Variants in CNTNAP4 observed in about 807,000 individuals in gnomAD.
CNTNAP4 encodes contactin-associated protein-like 4.
In CNTNAP4, 98 loss-of-function variants were observed where a neutral mutation model predicts 148.4. The observed-to-expected ratio is 0.66, with a 90% CI of 0.56 to 0.78. The LOEUF is 0.78. CNTNAP4 is among the 30% of genes least tolerant of loss of function. CNTNAP4 has a pLI of 0.00. For synonymous variants in CNTNAP4, 730 were observed against 565.1 expected, an observed-to-expected ratio of 1.29 and a Z score of -4.14; for missense variants, 1,935 against 1,565.6, an observed-to-expected ratio of 1.24 and a Z score of -3.98.
At chr16:76,396,138 G>A (rs977233765) in intron 3 of CNTNAP4, among the ~76,000 whole-genome samples, 4 of 152,142 alleles carry the variant, frequency 2.6e-5, no homozygotes, top group African/African-American at 4.8e-5. Flanking sequence ...AATGACTTTG[G>A]GATGTGGCAT....
chr16:76,425,915 T>C (rs1482877125), intron 3 of CNTNAP4, among the ~76,000 whole-genome samples: 6 of 152,160 alleles, frequency 3.9e-5, no homozygotes, highest in Non-Finnish European at 1.5e-5. Flanking sequence ...TGTTACTGTG[T>C]GCTCAGAGGG....
chr16:76,522,863 A>G (rs903460875), intron 17 of CNTNAP4, among the ~76,000 whole-genome samples: 1 of 151,064 alleles, frequency 6.6e-6, no homozygotes, highest in Non-Finnish European at 1.5e-5. Flanking sequence ...CCAGGGTTCT[A>G]GCAATTCTCC....
In CNTNAP4 at chr16:76,339,587, C is replaced by T. The variant is rs888654660; in HGVS notation, c.197-15731C>T. Among the ~76,000 whole-genome samples, 192 of 152,240 alleles carry T rather than the reference C, an allele frequency of 1.3e-3. 5 individuals carry two copies. Among genetic ancestry groups the T allele is most frequent in the Admixed American group, 0.012 (191 of 15,288 alleles). ...AAATGACACAAAGAGAATTTAAGAT[C>T]GTTTGAAATGTCGCCTTTGCTCATT... On this transcript the variant is annotated intron_variant, in intron 2 of 23. Coordinates refer to ENST00000611870, the MANE Select transcript of CNTNAP4 (RefSeq NM_033401.5).
At chr16:76,548,128 A>C (rs894525765) in intron 21 of CNTNAP4, among the ~76,000 whole-genome samples, 1 of 152,176 alleles carries the variant, frequency 6.6e-6, no homozygotes, top group African/African-American at 2.4e-5. Context: ...TTGGCAAACA[A>C]ATACCTTTTA....
intron 1 of CNTNAP4, among the ~76,000 whole-genome samples, chr16:76,283,599 G>A (rs1028507611): frequency 7.9e-5 from 12 of 151,978 alleles, no homozygotes; most frequent in African/African-American, 2.9e-4. Context: ...ATAAGTGGGA[G>A]CTAAATGATG....
chr16:76,321,001 T>A (rs1252190107), intron 2 of CNTNAP4, among the ~76,000 whole-genome samples: 1 of 152,228 alleles, frequency 6.6e-6, no homozygotes, highest in Non-Finnish European at 1.5e-5. Flanking sequence ...GAGTTTCCAC[T>A]CACATCTTCT....
At chr16:76,328,611 G>C (rs541984383) in intron 2 of CNTNAP4, among the ~76,000 whole-genome samples, 1 of 151,798 alleles carries the variant, frequency 6.6e-6, no homozygotes, top group African/African-American at 2.4e-5. Flanking sequence ...CAATAGTGAT[G>C]CATTAGTTGT....
chr16:76,287,027 C>G (rs1012486044), intron 1 of CNTNAP4, among the ~76,000 whole-genome samples: 1 of 152,162 alleles, frequency 6.6e-6, no homozygotes, highest in African/African-American at 2.4e-5. Context: ...AACATGACAA[C>G]TGTGTCACAA....
chr16:76,298,453 C>T (rs1259802079), intron 1 of CNTNAP4, among the ~76,000 whole-genome samples: 3 of 151,208 alleles, frequency 2.0e-5, no homozygotes, highest in African/African-American at 7.3e-5. Flanking sequence ...TTGGATTACC[C>T]CATTCATTGT....
intron 23 of CNTNAP4, chr16:76,557,510 G>C (rs944923911): frequency 6.6e-6 from 1 of 152,176 alleles, no homozygotes; most frequent in Admixed American, 6.5e-5. Context: ...AAGTCTTGCA[G>C]TCAAGGGTCA....
rs367824460 is a variant in CNTNAP4 at position 76,461,928 on chromosome 16, C to T, written c.1334-28C>T. 5.9e-5 allele frequency: 95 copies of T among 1,606,214 alleles called. No individual in the cohort carries two copies. In the African/African-American group the frequency reaches 1.0e-3, roughly 18 times the overall value. On this transcript the variant is annotated intron_variant, in intron 8 of 23. Transcript: ENST00000611870. ...TCCTTATAGTGTTCACTATTGAGAG[C>T]GATCTCTAACTGATTTCATCTCCCT...
intron 11 of CNTNAP4, among the ~76,000 whole-genome samples, chr16:76,478,209 C>A (rs887051391): frequency 2.6e-5 from 4 of 152,192 alleles, no homozygotes; most frequent in Non-Finnish European, 4.4e-5. Flanking sequence ...TCATCCAATC[C>A]TTTTCCACAA....
chr16:76,418,910 C>T (rs2079081252), intron 3 of CNTNAP4, among the ~76,000 whole-genome samples: 1 of 151,978 alleles, frequency 6.6e-6, no homozygotes, highest in African/African-American at 2.4e-5. Context: ...CCAGATGCTT[C>T]CGGTTCATCT....
At chr16:76,315,734 AC>A (rs1961662481) in intron 1 of CNTNAP4, among the ~76,000 whole-genome samples, 1 of 152,070 alleles carries the variant, frequency 6.6e-6, no homozygotes, top group Non-Finnish European at 1.5e-5. Context: ...AGCTGAGACT[AC>A]AGGCGTGTGC....
intron 23 of CNTNAP4, chr16:76,557,575 A>G (rs1437757017): frequency 6.6e-6 from 1 of 152,156 alleles, no homozygotes; most frequent in Admixed American, 6.6e-5. Context: ...TCTTAAATAA[A>G]TTTGGCTTTT....
chr16:76,435,393 T>A (rs1022738417), intron 4 of CNTNAP4, among the ~76,000 whole-genome samples: 1 of 152,148 alleles, frequency 6.6e-6, no homozygotes, highest in African/African-American at 2.4e-5. Flanking sequence ...GCCTCTGCTG[T>A]CCATTACAGT....
At chr16:76,529,966 C>T (rs1432206699) in intron 17 of CNTNAP4, among the ~76,000 whole-genome samples, 5 of 151,972 alleles carry the variant, frequency 3.3e-5, no homozygotes, top group Non-Finnish European at 7.4e-5. Flanking sequence ...TGCCATATCT[C>T]TATTCACCAT....
At chr16:76,418,555 C>T (rs144998264) in intron 3 of CNTNAP4, among the ~76,000 whole-genome samples, 2 of 151,644 alleles carry the variant, frequency 1.3e-5, no homozygotes, top group East Asian at 3.9e-4. Flanking sequence ...GATTCTTTTG[C>T]AGAGTTTTCA....
chr16:76,391,133 A>G lies in CNTNAP4; in HGVS notation c.390+35622A>G, dbSNP rs527265758. Among the ~76,000 whole-genome samples the G allele has an allele frequency of 1.1e-4, 16 of 152,292 alleles. No individual in the cohort carries two copies. In the South Asian group the frequency reaches 2.7e-3, roughly 26 times the overall value. ...AACTATGGTTTTGTACACATTAACT[A>G]TCCCTACCTAGCCCCCCACTACCCT... On this transcript the variant is annotated intron_variant, in intron 3 of 23. Coordinates refer to ENST00000611870, the MANE Select transcript of CNTNAP4 (RefSeq NM_033401.5).
Sources: allele counts gnomAD v4.1 joint callset (sites outside exome capture counted in the v4.1 genomes callset), GRCh38; gene constraint gnomAD v4.1.1; transcripts MANE v1.5; gene names NCBI Gene and HGNC (gene_info 2026-07-23, HGNC 2026-07-21).